Variants in XPO4 observed in about 807,000 individuals in gnomAD.
XPO4 encodes exportin 4, also known as exportin-4.
XPO4 carries 39 observed loss-of-function variants against 143.0 expected under a neutral mutation model. That is an observed-to-expected ratio of 0.27 (90% CI 0.21 to 0.36). XPO4 has a LOEUF of 0.36. XPO4 is among the 10% of genes least tolerant of loss of function. The pLI, the probability that XPO4 is intolerant of heterozygous loss-of-function variation, is 1.00. For synonymous variants in XPO4, 439 were observed against 474.0 expected, an observed-to-expected ratio of 0.93 and a Z score of 0.96; for missense variants, 907 against 1,348.0, an observed-to-expected ratio of 0.67 and a Z score of 5.12.
chr13:20,869,468 G>A (rs1016094821), intron 1 of XPO4: 2 of 956,760 alleles, frequency 2.1e-6, no homozygotes, highest in Non-Finnish European at 1.2e-6. Context: ...GGGAAAGGGG[G>A]CTGGAGGTAG....
intron 2 of XPO4, among the ~76,000 whole-genome samples, chr13:20,867,115 A>G (rs1336436311): frequency 6.6e-6 from 1 of 152,214 alleles, no homozygotes; most frequent in Non-Finnish European, 1.5e-5. Flanking sequence ...TGCTTCCTTT[A>G]ACATTGAGTT....
chr13:20,787,865 T>C (rs2059226938), intron 20 of XPO4, among the ~76,000 whole-genome samples: 2 of 152,268 alleles, frequency 1.3e-5, no homozygotes, highest in African/African-American at 4.8e-5. Context: ...AAAAGTCATA[T>C]TATTCTCTAC....
At chr13:20,846,675 C>T (rs532945226) in intron 4 of XPO4, among the ~76,000 whole-genome samples, 4 of 152,164 alleles carry the variant, frequency 2.6e-5, no homozygotes, top group South Asian at 2.1e-4. Flanking sequence ...AACTAGAAAT[C>T]GTAGAAAAGC....
chr13:20,875,113 A>C (rs1356426873), intron 1 of XPO4, among the ~76,000 whole-genome samples: 2 of 152,176 alleles, frequency 1.3e-5, no homozygotes, highest in African/African-American at 4.8e-5. Context: ...TGTACCAACC[A>C]AAAACATAAA....
chr13:20,800,747 GA>G, intron 14 of XPO4, 83 bp downstream of exon 14: 1 of 1,526,284 alleles, frequency 6.6e-7, no homozygotes, highest in African/African-American at 1.4e-5. Context: ...CTATTTTGAT[GA>G]AAAACCACCA....
chr13:20,875,478 C>T (rs982225617), intron 1 of XPO4, among the ~76,000 whole-genome samples: 2 of 152,078 alleles, frequency 1.3e-5, no homozygotes, highest in South Asian at 2.1e-4. Flanking sequence ...ACATATCTTC[C>T]GTTTTAAAGT....
At chr13:20,788,335 G>A in intron 20 of XPO4, 151 bp downstream of exon 20, 1 of 985,076 alleles carries the variant, frequency 1.0e-6, no homozygotes, top group Non-Finnish European at 1.4e-6. Context: ...GGAATTACAG[G>A]TGTGAGCCAC....
intron 6 of XPO4, among the ~76,000 whole-genome samples, chr13:20,836,942 G>A (rs535631693): frequency 6.6e-6 from 1 of 152,252 alleles, no homozygotes; most frequent in Non-Finnish European, 1.5e-5. Context: ...TTTGTGAATG[G>A]CTTTTTTCAC....
At chr13:20,902,618 G>C (rs985732642) in intron 1 of XPO4, 52 bp downstream of exon 1, 12 of 1,511,258 alleles carry the variant, frequency 7.9e-6, no homozygotes, top group Non-Finnish European at 1.1e-5. Flanking sequence ...GGAGTGGCAG[G>C]GCCGACCGGG....
intron 1 of XPO4, among the ~76,000 whole-genome samples, chr13:20,896,289 G>C (rs978169215): frequency 5.9e-5 from 9 of 152,206 alleles, no homozygotes; most frequent in African/African-American, 1.7e-4. Context: ...GAGGAGGAAA[G>C]AGAGATTTTG....
At chr13:20,801,487 A>G (rs140263072) in intron 13 of XPO4, among the ~76,000 whole-genome samples, 23 of 152,330 alleles carry the variant, frequency 1.5e-4, no homozygotes, top group African/African-American at 3.8e-4. Flanking sequence ...TTTAAATCCA[A>G]TATTTCCTAG....
At chr13:20,868,259 G>A (rs2060261923) in intron 2 of XPO4, among the ~76,000 whole-genome samples, 2 of 150,880 alleles carry the variant, frequency 1.3e-5, no homozygotes, top group African/African-American at 4.9e-5. Context: ...TGGGCTAAAA[G>A]ATACTATAGT....
At chr13:20,891,342 CTAAT>C (rs892351467) in intron 1 of XPO4, among the ~76,000 whole-genome samples, 5 of 152,162 alleles carry the variant, frequency 3.3e-5, no homozygotes, top group East Asian at 1.9e-4. Flanking sequence ...TAGAAGAAAT[CTAAT>C]TAACTCAACA....
chr13:20,837,738 G>A (rs1038081945), intron 6 of XPO4, among the ~76,000 whole-genome samples: 18 of 152,174 alleles, frequency 1.2e-4, no homozygotes, highest in African/African-American at 3.1e-4. Context: ...AGCAAGTCCC[G>A]TCTTACATGG....
chr13:20,843,995 C>T (rs1720454143), intron 4 of XPO4, 109 bp from the exon 5 acceptor site: 1 of 782,648 alleles, frequency 1.3e-6, no homozygotes, highest in Non-Finnish European at 2.2e-6. Flanking sequence ...TTTAGATCTT[C>T]CACTGTATCT....
At chr13:20,799,642 A>G (rs1164634267) in intron 15 of XPO4, among the ~76,000 whole-genome samples, 1 of 152,216 alleles carries the variant, frequency 6.6e-6, no homozygotes, top group African/African-American at 2.4e-5. Flanking sequence ...GATACTACCT[A>G]TGACATGCTT....
At chr13:20,846,863 T>G (rs755491966) in intron 4 of XPO4, among the ~76,000 whole-genome samples, 3 of 152,102 alleles carry the variant, frequency 2.0e-5, no homozygotes, top group African/African-American at 4.8e-5. Context: ...AGAAAAAAAT[T>G]TAAAAACAAA....
At chr13:20,801,290 T>C (rs186293026) in intron 13 of XPO4, among the ~76,000 whole-genome samples, 3 of 152,320 alleles carry the variant, frequency 2.0e-5, no homozygotes, top group Admixed American at 6.5e-5. Context: ...GATTCAAAAT[T>C]TTCAGATTTT....
chr13:20,812,749 C>G (rs1195209910), intron 9 of XPO4, among the ~76,000 whole-genome samples: 1 of 152,094 alleles, frequency 6.6e-6, no homozygotes, highest in Non-Finnish European at 1.5e-5. Context: ...ACCATGGCTA[C>G]AAAAGATGAT....
Sources: gnomAD v4.1 joint callset for allele counts (sites outside exome capture counted in the v4.1 genomes callset) on GRCh38, gnomAD v4.1.1 for gene constraint, MANE v1.5 for transcripts, NCBI Gene and HGNC (gene_info 2026-07-23, HGNC 2026-07-21) for gene names.